NDUFV1: variants seen among roughly 807,000 people sequenced by gnomAD.
NDUFV1 encodes NADH dehydrogenase [ubiquinone] flavoprotein 1, mitochondrial.
NDUFV1 carries 41 observed loss-of-function variants against 48.7 expected under a neutral mutation model. The ratio of observed to expected loss-of-function variants is 0.84; its 90% CI spans 0.66 to 1.09. NDUFV1 has a LOEUF of 1.09. Among genes scored for constraint, NDUFV1 ranks in the 50% least tolerant of loss-of-function variants. The pLI, the probability that NDUFV1 is intolerant of heterozygous loss-of-function variation, is 0.00. For synonymous variants in NDUFV1, 231 were observed against 259.1 expected (o/e 0.89, Z 1.04); for missense variants, 580 against 645.4 (o/e 0.90, Z 1.10).
At position 67,611,941 on chromosome 11, in the gene NDUFV1, G is replaced by A. The variant is rs1854924132; in HGVS notation, c.1125G>A (p.Lys375=). ...KAIARLIEFY[K]HESCGQCTPC... ...TCGCCCGCCTCATTGAGTTCTATAA[G>A]CACGAGAGCTGTGGCCAGTGTACCC... Residue 375 remains lysine, a synonymous_variant, in exon 8 of 10, where the codon AAG becomes AAA. Coordinates refer to ENST00000322776, the MANE Select transcript of NDUFV1 (RefSeq NM_007103.4). The surrounding 1 kb of genome is among the most constrained non-coding windows in gnomAD (Gnocchi z 4.2). The A allele has an allele frequency of 6.2e-7, 1 of 1,614,070 alleles. No individual in the cohort carries two copies. The highest frequency in any genetic ancestry group is 1.1e-5 in the South Asian group (1 of 91,080).
chr11:67,611,346 G>T lies in NDUFV1; in HGVS notation c.914-57G>T. ...AGGGCCTGGGCTCAGGACTAGGCAG[G>T]TGTGCCGGCCCCAGCCCTGACCATG... is the stretch of plus-strand genomic sequence containing the variant. On this transcript the variant is annotated intron_variant, in intron 6 of 9. Transcript: ENST00000322776. This position sits in a 1 kb window ranked among gnomAD's most constrained non-coding sequence, Gnocchi z 4.2. 6.2e-7 allele frequency: 1 copy of T among 1,604,260 alleles called. No individual in the cohort carries two copies. The highest frequency in any genetic ancestry group is 8.5e-7 in the Non-Finnish European group (1 of 1,174,760).
rs1264964265 is a variant in NDUFV1 at position 67,612,241 on chromosome 11, T to TGACGGGGC, written c.1285_1292dup (p.Ala432ThrfsTer10). 6.2e-7 allele frequency: 1 copy of TGACGGGGC among 1,613,696 alleles called. No homozygotes were observed. The highest frequency in any genetic ancestry group is 1.7e-5 in the Admixed American group (1 of 60,000). ...AAGGCCATACGATTTGTGCTCTGGG[T>TGACGGGGC]GACGGGGCCGCCTGGCCTGTGCAGG... On this transcript the variant is annotated frameshift_variant, in exon 9 of 10. Transcript: ENST00000322776. LOFTEE classifies it high-confidence loss of function. This position sits in a 1 kb window ranked among gnomAD's most constrained non-coding sequence, Gnocchi z 4.4.
At position 67,611,115 on chromosome 11, in the gene NDUFV1, A is replaced by G. The variant is rs762756779; in HGVS notation, c.821A>G (p.Lys274Arg). Residue 274 changes from lysine to arginine, a missense_variant, in exon 6 of 10, where the codon AAA becomes AGA. Physicochemically the swap from Lys to Arg is conservative, Grantham distance 26. Transcript: ENST00000322776. This position sits in a 1 kb window ranked among gnomAD's most constrained non-coding sequence, Gnocchi z 4.2. ...GGCAGAGAACGCAACTCAGGCACCA[A>G]ACTATTCAACATCTCTGGCCATGTC... Reference protein sequence around the residue: ...GFGRERNSGTKLFNISGHVNH... With the variant: ...GFGRERNSGTRLFNISGHVNH... 4 of 1,614,230 alleles carry G rather than the reference A, an allele frequency of 2.5e-6. No homozygotes were observed. Among genetic ancestry groups the G allele is most frequent in the African/African-American group, 2.7e-5 (2 of 75,050 alleles).
intron 4 of NDUFV1, chr11:67,609,862 T>A (rs1450474460): frequency 7.8e-6 from 4 of 510,410 alleles, no homozygotes; most frequent in Admixed American, 3.6e-5. Context: ...TTCAAAAATA[T>A]AGTATTTTTT....
chr11:67,608,501 T>C (rs1181423877), intron 2 of NDUFV1, 23 bp downstream of exon 2: 2 of 1,614,186 alleles, frequency 1.2e-6, no homozygotes, highest in Admixed American at 1.7e-5. Context: ...CCTTAGTGTG[T>C]TGGGTCCCGG....
Position 67,612,276 on chromosome 11 carries a change from C to T in NDUFV1, c.1308+11C>T. On this transcript the variant is annotated intron_variant, in intron 9 of 9. Coordinates refer to ENST00000322776, the MANE Select transcript of NDUFV1 (RefSeq NM_007103.4). The surrounding 1 kb of genome is among the most constrained non-coding windows in gnomAD (Gnocchi z 4.4). ...GCCTGGCCTGTGCAGGTATTCACCA[C>T]CCTTCTGCGTAGCACGGAGGGTGGG... 1 of 1,613,954 alleles carries T rather than the reference C, an allele frequency of 6.2e-7. No individual in the cohort carries two copies.
At position 67,610,582 on chromosome 11, in the gene NDUFV1, C is replaced by T. The variant is rs200417926; in HGVS notation, c.700+12C>T. 3.2e-4 allele frequency: 514 copies of T among 1,613,440 alleles called. No homozygotes were observed. The highest frequency in any genetic ancestry group is 4.0e-4 in the Non-Finnish European group (468 of 1,179,802). On this transcript the variant is annotated intron_variant, in intron 5 of 9. Transcript: ENST00000322776. ...CCCCGCAGACGTGGGTAAGGCCTGG[C>T]GTAACCCTGGGTCAGACTGTGTCCT...
intron 4 of NDUFV1, 126 bp downstream of exon 4, chr11:67,609,761 G>A (rs1854878505): frequency 1.8e-6 from 2 of 1,116,522 alleles, no homozygotes; most frequent in East Asian, 2.4e-5. Context: ...GGGAGTGGTG[G>A]CCAGTCCTGC....
At chr11:67,607,374 G>A (rs1407965114) in intron 1 of NDUFV1, 1 of 597,998 alleles carries the variant, frequency 1.7e-6, no homozygotes, top group African/African-American at 1.8e-5. Context: ...AGCCTTGTAG[G>A]GCGTGAAGGG....
Position 67,611,219 on chromosome 11 carries a change from G to A in NDUFV1, c.913+12G>A, listed in dbSNP as rs780648535. 6.8e-6 allele frequency: 11 copies of A among 1,613,548 alleles called. No individual in the cohort carries two copies. In the South Asian group the frequency reaches 8.8e-5, roughly 13 times the overall value. The stretch of plus-strand genomic sequence containing the variant: ...TGAGAAGCATGCTGGTAAGGCCTGG[G>A]GCCAGCCAGGTGGTGGGGGGGTGCG... On this transcript the variant is annotated intron_variant, in intron 6 of 9. Coordinates refer to ENST00000322776, the MANE Select transcript of NDUFV1 (RefSeq NM_007103.4). This position sits in a 1 kb window ranked among gnomAD's most constrained non-coding sequence, Gnocchi z 4.2.
In NDUFV1 at chr11:67,611,582, A is replaced by G; in HGVS notation, c.1080+13A>G. The G allele has an allele frequency of 6.3e-7, 1 of 1,596,352 alleles. No homozygotes were observed. The highest frequency in any genetic ancestry group is 2.3e-5 in the East Asian group (1 of 44,250). The stretch of plus-strand genomic sequence containing the variant: ...CATGGACCGCTCGGTAAGGGTTCAC[A>G]CACCAGCCCTGGTCCCTGCCCTCCT... On this transcript the variant is annotated intron_variant, in intron 7 of 9. Transcript: ENST00000322776. The surrounding 1 kb of genome is among the most constrained non-coding windows in gnomAD (Gnocchi z 4.2).
At position 67,611,882 on chromosome 11, in the gene NDUFV1, C is replaced by T. The variant is rs1474404799; in HGVS notation, c.1081-15C>T. 2 of 1,613,902 alleles carry T rather than the reference C, an allele frequency of 1.2e-6. No individual in the cohort carries two copies. Among genetic ancestry groups the T allele is most frequent in the Non-Finnish European group, 1.7e-6 (2 of 1,179,894 alleles). On this transcript the variant is annotated splice_polypyrimidine_tract_variant and intron_variant, in intron 7 of 9. Transcript: ENST00000322776. The surrounding 1 kb of genome is among the most constrained non-coding windows in gnomAD (Gnocchi z 4.2). ...TCTGGCCGTGGGTGCCTGCTAATTG[C>T]CCCTCGTCACCCAGACGGACATCGT... is the stretch of plus-strand genomic sequence containing the variant.
chr11:67,608,613 C>T lies in NDUFV1; in HGVS notation c.217C>T (p.Pro73Ser), dbSNP rs1407393987. The part of the protein sequence containing the change: ...YKTKEILLKG[P>S]DWILGEIKTS... ...GACAAAGGAGATCCTGCTGAAGGGG[C>T]CCGACTGGATCCTGGGCGAGATCAA... The change falls in exon 3 of 10, where the codon CCC (proline) becomes TCC (serine). Residue 73 changes from proline to serine, a missense_variant. Pro to Ser is a moderately conservative substitution (Grantham distance 74). Coordinates refer to ENST00000322776, the MANE Select transcript of NDUFV1 (RefSeq NM_007103.4). 8 of 1,614,104 alleles carry T rather than the reference C, an allele frequency of 5.0e-6. No homozygotes were observed. Among genetic ancestry groups the T allele is most frequent in the Non-Finnish European group, 6.8e-6 (8 of 1,180,012 alleles).
At position 67,611,313 on chromosome 11, in the gene NDUFV1, GCTGA is replaced by G. The variant is rs1361939866; in HGVS notation, c.914-87_914-84del. 39 of 1,594,042 alleles carry G rather than the reference GCTGA, an allele frequency of 2.4e-5. No individual in the cohort carries two copies. Among genetic ancestry groups the G allele is most frequent in the South Asian group, 4.5e-5 (4 of 89,644 alleles). On this transcript the variant is annotated intron_variant, in intron 6 of 9. Transcript: ENST00000322776. The surrounding 1 kb of genome is among the most constrained non-coding windows in gnomAD (Gnocchi z 4.2). ...TCAGGAGACGGGGCTGGGTCTAGGG[GCTGA>G]CTAAGGGCCTGGGCTCAGGACTAGG...
In NDUFV1 at chr11:67,611,221, C is replaced by A. The variant is rs769316566; in HGVS notation, c.913+14C>A. On this transcript the variant is annotated intron_variant, in intron 6 of 9. Coordinates refer to ENST00000322776, the MANE Select transcript of NDUFV1 (RefSeq NM_007103.4). This position sits in a 1 kb window ranked among gnomAD's most constrained non-coding sequence, Gnocchi z 4.2. Reference sequence around the variant, plus strand: ...AGAAGCATGCTGGTAAGGCCTGGGGCCAGCCAGGTGGTGGGGGGGTGCGCA... The same window carrying A: ...AGAAGCATGCTGGTAAGGCCTGGGGACAGCCAGGTGGTGGGGGGGTGCGCA... The A allele has an allele frequency of 1.2e-6, 2 of 1,613,244 alleles. No homozygotes were observed. The highest frequency in any genetic ancestry group is 1.1e-5 in the South Asian group (1 of 91,060).
Position 67,611,943 on chromosome 11 carries a change from A to C in NDUFV1, c.1127A>C (p.His376Pro), listed in dbSNP as rs1854924167. The C allele has an allele frequency of 6.2e-7, 1 of 1,613,876 alleles. No homozygotes were observed. Among genetic ancestry groups the C allele is most frequent in the Non-Finnish European group, 8.5e-7 (1 of 1,180,018 alleles). Residue 376 changes from histidine to proline, a missense_variant, in exon 8 of 10, where the codon CAC becomes CCC. Coordinates refer to ENST00000322776, the MANE Select transcript of NDUFV1 (RefSeq NM_007103.4). This position sits in a 1 kb window ranked among gnomAD's most constrained non-coding sequence, Gnocchi z 4.2. Reference protein sequence around the residue: ...AIARLIEFYKHESCGQCTPCR... With the variant: ...AIARLIEFYKPESCGQCTPCR... ...GCCCGCCTCATTGAGTTCTATAAGC[A>C]CGAGAGCTGTGGCCAGTGTACCCCA...
At chr11:67,610,711 A>G (rs989412706) in intron 5 of NDUFV1, 141 bp downstream of exon 5, 52 of 1,190,930 alleles carry the variant, frequency 4.4e-5, no homozygotes, top group Non-Finnish European at 6.0e-5. Flanking sequence ...AACAACACAC[A>G]GGCTCCCCCA....
chr11:67,612,064 G>C lies in NDUFV1; in HGVS notation c.1163-56G>C. ...ACGTGGCCTGCAGCCCTCAAGCGCC[G>C]CCCCACATCCTGGCTGGGGAGATCA... is the stretch of plus-strand genomic sequence containing the variant. On this transcript the variant is annotated intron_variant, in intron 8 of 9. Coordinates refer to ENST00000322776, the MANE Select transcript of NDUFV1 (RefSeq NM_007103.4). This position sits in a 1 kb window ranked among gnomAD's most constrained non-coding sequence, Gnocchi z 4.4. 1 of 1,613,496 alleles carries C rather than the reference G, an allele frequency of 6.2e-7. No individual in the cohort carries two copies. Among genetic ancestry groups the C allele is most frequent in the Non-Finnish European group, 8.5e-7 (1 of 1,179,900 alleles).
chr11:67,607,706 G>C (rs1854837034), intron 1 of NDUFV1: 1 of 350,244 alleles, frequency 2.9e-6, no homozygotes, highest in Non-Finnish European at 5.7e-6. Context: ...CACTCGGCTT[G>C]TGGGGCTGTG....
Sources: allele counts gnomAD v4.1 joint callset, GRCh38; gene constraint gnomAD v4.1.1; non-coding constraint Gnocchi (gnomAD v3.1); transcripts MANE v1.5; gene names NCBI Gene and HGNC (gene_info 2026-07-23, HGNC 2026-07-21).